Variants in CALN1 observed in about 807,000 individuals in gnomAD.
CALN1 encodes the protein calneuron 1, also known as calcium-binding protein 8.
In CALN1, 17 loss-of-function variants were observed where a neutral mutation model predicts 30.6. The ratio of observed to expected loss-of-function variants is 0.56; its 90% CI spans 0.38 to 0.83. The LOEUF (loss-of-function observed/expected upper bound fraction) is 0.83. CALN1 is among the 40% of genes least tolerant of loss of function. The pLI, the probability that CALN1 is intolerant of heterozygous loss-of-function variation, is 0.00. For synonymous variants in CALN1, 156 were observed against 131.4 expected (o/e 1.19, Z -1.28); for missense variants, 291 against 354.9 (o/e 0.82, Z 1.45).
chr7:72,459,174 G>A, the CALN1 span, among the ~76,000 whole-genome samples: 10 of 151,956 alleles, frequency 6.6e-5, no homozygotes, highest in Admixed American at 6.6e-4. Flanking sequence ...AAAGTGCTGG[G>A]ATTACAGGCA....
intron 1 of CALN1, among the ~76,000 whole-genome samples, chr7:72,419,768 G>A (rs943994421): frequency 3.9e-5 from 6 of 152,200 alleles, no homozygotes; most frequent in Non-Finnish European, 8.8e-5. Context: ...GCAGTGAGCA[G>A]AGAAGCAAAA....
chr7:72,496,119 G>A, the CALN1 span, among the ~76,000 whole-genome samples: 2 of 152,010 alleles, frequency 1.3e-5, no homozygotes, highest in African/African-American at 4.8e-5. Flanking sequence ...ACGGGTTTTT[G>A]CCATGTTGGC....
intron 5 of CALN1, among the ~76,000 whole-genome samples, chr7:71,938,898 C>A (rs1795981604): frequency 6.6e-6 from 1 of 152,120 alleles, no homozygotes; most frequent in Non-Finnish European, 1.5e-5. Context: ...CTTGAAAGAG[C>A]AGGAGACGGA....
chr7:72,331,873 A>G (rs1423899579), intron 2 of CALN1, among the ~76,000 whole-genome samples: 5 of 131,214 alleles, frequency 3.8e-5, no homozygotes, highest in African/African-American at 1.0e-4. Context: ...ACCCTCTAAC[A>G]GGCCCCAGTG....
chr7:72,193,484 T>A (rs551510802), intron 3 of CALN1, among the ~76,000 whole-genome samples: 1 of 152,264 alleles, frequency 6.6e-6, no homozygotes, highest in East Asian at 1.9e-4. Flanking sequence ...TCACTTAACA[T>A]TGGGGACACA....
chr7:71,981,492 T>C (rs1182541034), intron 5 of CALN1, among the ~76,000 whole-genome samples: 1 of 152,018 alleles, frequency 6.6e-6, no homozygotes, highest in Non-Finnish European at 1.5e-5. Flanking sequence ...GGTGAAACTC[T>C]GCCTCTACTA....
chr7:71,818,207 AG>A (rs1788379504), intron 5 of CALN1, among the ~76,000 whole-genome samples: 1 of 151,900 alleles, frequency 6.6e-6, no homozygotes, highest in African/African-American at 2.4e-5. Context: ...GGTGGGTCAG[AG>A]GGGGCTTTCT....
At chr7:72,138,347 T>C (rs373058347) in intron 3 of CALN1, among the ~76,000 whole-genome samples, 6 of 152,332 alleles carry the variant, frequency 3.9e-5, no homozygotes, top group East Asian at 3.9e-4. Flanking sequence ...AATGTTATTC[T>C]ACAAAATGAA....
intron 1 of CALN1, among the ~76,000 whole-genome samples, chr7:72,408,864 G>C (rs1309795556): frequency 6.6e-6 from 1 of 151,546 alleles, no homozygotes; most frequent in African/African-American, 2.4e-5. Context: ...TTTTTGTAGA[G>C]ATGCAGTTTC....
chr7:71,997,314 TAGGAG>T (rs1799304708), intron 5 of CALN1, among the ~76,000 whole-genome samples: 1 of 151,250 alleles, frequency 6.6e-6, no homozygotes, highest in South Asian at 2.1e-4. Context: ...ATGTACTGGA[TAGGAG>T]AGTAGAGGAC....
intron 6 of CALN1, among the ~76,000 whole-genome samples, chr7:71,793,896 A>G (rs1362210895): frequency 2.6e-5 from 4 of 152,164 alleles, no homozygotes; most frequent in Non-Finnish European, 5.9e-5. Flanking sequence ...AACACATACA[A>G]AAAAGATCTA....
intron 5 of CALN1, among the ~76,000 whole-genome samples, chr7:71,836,866 C>T (rs1176992612): frequency 1.3e-5 from 2 of 151,376 alleles, no homozygotes; most frequent in African/African-American, 4.8e-5. Context: ...CATCTGCCCA[C>T]CTCGGCCTCC....
intron 4 of CALN1, among the ~76,000 whole-genome samples, chr7:72,056,320 A>C (rs539679528): frequency 6.6e-6 from 1 of 152,298 alleles, no homozygotes; most frequent in African/African-American, 2.4e-5. Flanking sequence ...AAAATCTATT[A>C]TAAAACCACA....
upstream of CALN1, among the ~76,000 whole-genome samples, chr7:72,448,117 C>T (rs73366925): frequency 9.7e-3 from 1,474 of 152,132 alleles, 24 homozygotes; most frequent in African/African-American, 0.033. Context: ...CACATGTCTG[C>T]CCGTACACCC....
At chr7:71,818,655 C>T (rs559846340) in intron 5 of CALN1, among the ~76,000 whole-genome samples, 29 of 151,430 alleles carry the variant, frequency 1.9e-4, no homozygotes, top group Admixed American at 1.3e-3. Flanking sequence ...CAGGCACTTG[C>T]CACCATGACC....
intron 2 of CALN1, among the ~76,000 whole-genome samples, chr7:72,395,339 C>T (rs1270167782): frequency 7.4e-6 from 1 of 135,826 alleles, no homozygotes; most frequent in Non-Finnish European, 1.6e-5. Context: ...CACATACACA[C>T]ACACGCTGCG....
intron 2 of CALN1, among the ~76,000 whole-genome samples, chr7:72,393,840 C>A (rs1805744837): frequency 1.3e-5 from 2 of 151,784 alleles, no homozygotes; most frequent in Non-Finnish European, 2.9e-5. Context: ...ATCTCCACTT[C>A]CCAGGCCCAA....
At chr7:72,248,971 A>G (rs1014526043) in intron 3 of CALN1, among the ~76,000 whole-genome samples, 1 of 152,236 alleles carries the variant, frequency 6.6e-6, no homozygotes, top group Admixed American at 6.5e-5. Context: ...TAAAAGAAGT[A>G]TTTTTAATCA....
chr7:72,186,585 C>T (rs925917164), intron 3 of CALN1, among the ~76,000 whole-genome samples: 1 of 152,162 alleles, frequency 6.6e-6, no homozygotes, highest in African/African-American at 2.4e-5. Flanking sequence ...TCCTTCCCCA[C>T]TCTGGTAGTC....
Sources: gnomAD v4.1 joint callset for allele counts (sites outside exome capture counted in the v4.1 genomes callset) on GRCh38, gnomAD v4.1.1 for gene constraint, MANE v1.5 for transcripts, NCBI Gene and HGNC (gene_info 2026-07-23, HGNC 2026-07-21) for gene names.